Variants in DTNB observed in about 807,000 individuals in gnomAD.
DTNB encodes the protein DTN-B.
DTNB carries 63 observed loss-of-function variants against 90.7 expected under a neutral mutation model. That is an observed-to-expected ratio of 0.69 (90% CI 0.57 to 0.86). The LOEUF is 0.86. Among genes scored for constraint, DTNB ranks in the 40% least tolerant of loss-of-function variants. DTNB has a pLI of 0.00. For synonymous variants in DTNB, 277 were observed against 286.7 expected (o/e 0.97, Z 0.34); for missense variants, 744 against 807.1 (o/e 0.92, Z 0.95).
intron 12 of DTNB, among the ~76,000 whole-genome samples, chr2:25,439,297 C>T (rs867990705): frequency 1.3e-5 from 2 of 151,964 alleles, no homozygotes; most frequent in East Asian, 1.9e-4. Context: ...GCCAGGAGTT[C>T]GAGACCAGCC....
rs2060784184 is a variant in DTNB, at chr2:25,577,004, A to T, written c.710T>A (p.Val237Asp). ...LMHRLAHVENVFHPVECSYCR... is the reference protein window; with the variant it reads ...LMHRLAHVENDFHPVECSYCR... ...GTAGGAGCACTCCACGGGATGGAAGACTTGTGGACAGGAGAGAAAAGGGGA... is the reference window on the plus strand; with the variant it reads ...GTAGGAGCACTCCACGGGATGGAAGTCTTGTGGACAGGAGAGAAAAGGGGA... Residue 237 changes from valine to aspartate, a missense_variant and splice_region_variant, in exon 8 of 21, where the codon GTC (valine) becomes GAC (aspartate). By Grantham distance (152) the Val-to-Asp change is radical. Coordinates refer to ENST00000406818, the MANE Select transcript of DTNB (RefSeq NM_021907.5). 6.2e-7 allele frequency: 1 copy of T among 1,602,350 alleles called. No homozygotes were observed. Among genetic ancestry groups the T allele is most frequent in the Admixed American group, 1.7e-5 (1 of 58,142 alleles).
rs1046538027 is a variant in DTNB, at chr2:25,604,039, G to T, written c.448+3197C>A. On this transcript the variant is annotated intron_variant, in intron 5 of 20. Coordinates refer to ENST00000406818, the MANE Select transcript of DTNB (RefSeq NM_021907.5). Reference sequence around the variant, plus strand: ...TTTAAATCCTTATTTTAAATAGAATGCTAAGAGGTTTGGTTATTACTTCTC... The same window carrying T: ...TTTAAATCCTTATTTTAAATAGAATTCTAAGAGGTTTGGTTATTACTTCTC... Among the ~76,000 whole-genome samples, 7 of 152,270 alleles carry T rather than the reference G, an allele frequency of 4.6e-5. 1 individual carries two copies. In the South Asian group the frequency reaches 1.5e-3, roughly 32 times the overall value.
intron 10 of DTNB, among the ~76,000 whole-genome samples, chr2:25,461,131 C>G (rs1287408359): frequency 6.6e-6 from 1 of 152,124 alleles, no homozygotes; most frequent in South Asian, 2.1e-4. Flanking sequence ...CTTGTACTCC[C>G]GACCTTAGGT....
chr2:25,426,322 A>G (rs2149875720), intron 15 of DTNB, among the ~76,000 whole-genome samples: 1 of 152,336 alleles, frequency 6.6e-6, no homozygotes, highest in Middle Eastern at 3.4e-3. Flanking sequence ...GCATCATCCA[A>G]TCCACTGAGG....
intron 19 of DTNB, among the ~76,000 whole-genome samples, chr2:25,381,932 G>A (rs1263918061): frequency 6.6e-6 from 1 of 152,238 alleles, no homozygotes; most frequent in Non-Finnish European, 1.5e-5. Flanking sequence ...CAGACCCACT[G>A]TCCTGTAGGT....
intron 5 of DTNB, among the ~76,000 whole-genome samples, chr2:25,599,746 T>C (rs1001209679): frequency 6.6e-6 from 1 of 152,090 alleles, no homozygotes; most frequent in Non-Finnish European, 1.5e-5. Context: ...ACCAATGATA[T>C]GAATAAATGA....
intron 6 of DTNB, among the ~76,000 whole-genome samples, chr2:25,590,227 G>A (rs142287010): frequency 6.6e-6 from 1 of 152,142 alleles, no homozygotes. Context: ...TCTTCTTCTT[G>A]TTGCCCACAA....
intron 5 of DTNB, among the ~76,000 whole-genome samples, chr2:25,599,844 C>T (rs1160822673): frequency 6.6e-6 from 1 of 152,080 alleles, no homozygotes; most frequent in Non-Finnish European, 1.5e-5. Context: ...CCTGTAATCC[C>T]AGAACTTTGG....
At chr2:25,592,146 C>T (rs1004142222) in intron 6 of DTNB, among the ~76,000 whole-genome samples, 3 of 150,618 alleles carry the variant, frequency 2.0e-5, no homozygotes, top group African/African-American at 7.3e-5. Flanking sequence ...TTTTTGCTTT[C>T]GCTTTCCCTC....
chr2:25,439,426 TG>T (rs1234494690), intron 12 of DTNB, among the ~76,000 whole-genome samples: 1 of 151,990 alleles, frequency 6.6e-6, no homozygotes, highest in African/African-American at 2.4e-5. Context: ...TGCTTAAGCC[TG>T]GGAGGTTGAG....
At chr2:25,555,238 C>G (rs185050573) in intron 8 of DTNB, among the ~76,000 whole-genome samples, 8 of 137,718 alleles carry the variant, frequency 5.8e-5, no homozygotes, top group African/African-American at 2.3e-4. Flanking sequence ...TTGCAGTGAA[C>G]GAAGATCGGG....
chr2:25,649,218 G>C (rs2080267400), intron 2 of DTNB, among the ~76,000 whole-genome samples: 1 of 151,828 alleles, frequency 6.6e-6, no homozygotes, highest in South Asian at 2.1e-4. Context: ...TGTTAGCCAG[G>C]ATGGTCTCAA....
intron 9 of DTNB, among the ~76,000 whole-genome samples, chr2:25,522,523 A>G (rs542243492): frequency 8.5e-5 from 13 of 152,152 alleles, no homozygotes; most frequent in Admixed American, 8.5e-4. Flanking sequence ...GATAAAGTCC[A>G]GCCTTTGTGG....
chr2:25,645,554 C>T (rs2079256226), intron 2 of DTNB, among the ~76,000 whole-genome samples: 1 of 151,954 alleles, frequency 6.6e-6, no homozygotes, highest in Non-Finnish European at 1.5e-5. Context: ...ATCCTTCCAC[C>T]TCTCAGCCTC....
chr2:25,575,780 T>TTACATG (rs2060563395), intron 8 of DTNB, among the ~76,000 whole-genome samples: 1 of 152,218 alleles, frequency 6.6e-6, no homozygotes, highest in Non-Finnish European at 1.5e-5. Context: ...GTTTTTCTAC[T>TTACATG]GTTTAGCAAA....
intron 1 of DTNB, among the ~76,000 whole-genome samples, chr2:25,656,930 T>C (rs760513087): frequency 7.2e-5 from 11 of 152,246 alleles, no homozygotes; most frequent in Admixed American, 6.5e-4. Context: ...TCCCAGCACG[T>C]TGGGAGGCCG....
In DTNB at chr2:25,379,214, C is replaced by T. The variant is rs1018974089; in HGVS notation, c.*29+76G>A. ...TGCCCTGGCTAGGGACCTGTGACTG[C>T]AGGAAGGGAGGGGAAGGGAAGATGC... On this transcript the variant is annotated intron_variant, in intron 20 of 20. Transcript: ENST00000406818. 3 of 1,272,494 alleles carry T rather than the reference C, an allele frequency of 2.4e-6. No individual in the cohort carries two copies. The African/African-American group carries it at 4.6e-5, about 20-fold the overall frequency. 78.8% of individuals were successfully genotyped at this position (1,272,494 alleles called of 1,614,324 possible). A position where few individuals can be genotyped will look rare whatever the true frequency, so the allele number is the denominator to read the frequency against.
intron 6 of DTNB, among the ~76,000 whole-genome samples, chr2:25,587,971 A>G (rs1434953880): frequency 6.6e-6 from 1 of 152,212 alleles, no homozygotes; most frequent in Non-Finnish European, 1.5e-5. Flanking sequence ...TTAATTAAGC[A>G]TAATCCTTCG....
intron 1 of DTNB, among the ~76,000 whole-genome samples, chr2:25,672,077 A>G (rs1183206803): frequency 6.6e-6 from 1 of 152,140 alleles, no homozygotes; most frequent in Non-Finnish European, 1.5e-5. Flanking sequence ...CCAAGGAGCA[A>G]GCTCTTGAAG....
Sources: allele counts gnomAD v4.1 joint callset (sites outside exome capture counted in the v4.1 genomes callset), GRCh38; gene constraint gnomAD v4.1.1; transcripts MANE v1.5; gene names NCBI Gene and HGNC (gene_info 2026-07-23, HGNC 2026-07-21).